CCL28: variants seen among roughly 807,000 people sequenced by gnomAD.
CCL28 encodes the protein C-C motif chemokine ligand 28, also known as C-C motif chemokine 28.
In CCL28, 4 loss-of-function variants were observed where a neutral mutation model predicts 7.1. The observed-to-expected ratio is 0.56, with a 90% confidence interval of 0.28 to 1.29. The LOEUF (loss-of-function observed/expected upper bound fraction) is 1.29. Ranked by LOEUF, CCL28 falls within the 50% of genes most tolerant of loss-of-function variation. The pLI is 0.11. For missense variants in CCL28, 151 were observed against 163.4 expected, an observed-to-expected ratio of 0.92 and a Z score of 0.41; for synonymous variants, 55 against 57.8, an observed-to-expected ratio of 0.95 and a Z score of 0.22.
chr5:43,406,516 T>C (rs1312705594), intron 1 of CCL28, among the ~76,000 whole-genome samples: 3 of 152,144 alleles, frequency 2.0e-5, no homozygotes, highest in African/African-American at 7.2e-5. Flanking sequence ...TCAGAGCTAT[T>C]TATGACAAAC....
the CCL28 span, among the ~76,000 whole-genome samples, chr5:43,364,131 A>G: frequency 6.6e-6 from 1 of 152,228 alleles, no homozygotes; most frequent in Non-Finnish European, 1.5e-5. Flanking sequence ...AAGCAAGTTT[A>G]CTAGCAAAGT....
chr5:43,377,105 T>A (rs1739907593), downstream of CCL28: 2 of 152,218 alleles, frequency 1.3e-5, no homozygotes, highest in Admixed American at 1.3e-4. Context: ...CACCCTCTCT[T>A]CTTCTCTGAT....
intron 1 of CCL28, among the ~76,000 whole-genome samples, chr5:43,409,579 C>A (rs1172257970): frequency 6.6e-6 from 1 of 152,034 alleles, no homozygotes; most frequent in Non-Finnish European, 1.5e-5. Context: ...CTTCCCTAGC[C>A]AGAGTCTTAT....
rs565379498 is a variant in CCL28, at chr5:43,389,555, G to T, written c.65-1079C>A. 7.2e-5 allele frequency among the ~76,000 whole-genome samples: 11 copies of T among 152,314 alleles called. No individual in the cohort carries two copies. The Middle Eastern group carries it at 0.024, about 330-fold the overall frequency. On this transcript the variant is annotated intron_variant, in intron 1 of 2. Transcript: ENST00000361115. ...TCTAATAGGAAACATACTTTCAGAA[G>T]CATGGTAGCAATTAAGAATCACAAG...
downstream of CCL28, among the ~76,000 whole-genome samples, chr5:43,378,026 C>A (rs1212110066): frequency 1.3e-5 from 2 of 151,922 alleles, no homozygotes; most frequent in Non-Finnish European, 2.9e-5. Flanking sequence ...GCCACCGCGC[C>A]CGGCCAGAAC....
chr5:43,407,452 G>A (rs960531355), intron 1 of CCL28, among the ~76,000 whole-genome samples: 1 of 152,194 alleles, frequency 6.6e-6, no homozygotes, highest in Non-Finnish European at 1.5e-5. Context: ...GTAGAAAGCT[G>A]AAACTGGATC....
Position 43,402,448 on chromosome 5 carries a change from G to C in CCL28, c.64+9805C>G, listed in dbSNP as rs880562. Among the ~76,000 whole-genome samples the C allele has an allele frequency of 9.8e-4, 149 of 152,232 alleles. 1 individual carries two copies. Among genetic ancestry groups the C allele is most frequent in the Admixed American group, 3.9e-3 (60 of 15,302 alleles). Reference sequence around the variant, plus strand: ...TGCAGATTTTCAGAATTAACTTTTTGTGTTGAATAGATATACTGTTATCTA... The same window carrying C: ...TGCAGATTTTCAGAATTAACTTTTTCTGTTGAATAGATATACTGTTATCTA... On this transcript the variant is annotated intron_variant, in intron 1 of 2. Coordinates refer to ENST00000361115, the MANE Select transcript of CCL28 (RefSeq NM_148672.3).
intron 2 of CCL28, among the ~76,000 whole-genome samples, chr5:43,386,774 C>T (rs1213126657): frequency 6.6e-6 from 1 of 152,116 alleles, no homozygotes; most frequent in Non-Finnish European, 1.5e-5. Context: ...AGTTTTTCCT[C>T]AAAATTGAAT....
intron 2 of CCL28, among the ~76,000 whole-genome samples, chr5:43,382,496 C>G (rs1740160551): frequency 6.6e-6 from 1 of 152,198 alleles, no homozygotes; most frequent in Admixed American, 6.5e-5. Context: ...TTTGTAGATT[C>G]TCTCAGCTAG....
At chr5:43,388,273 C>A in intron 2 of CCL28, 77 bp downstream of exon 2, 1 of 1,552,664 alleles carries the variant, frequency 6.4e-7, no homozygotes, top group South Asian at 1.2e-5. Flanking sequence ...TCAAGCAAAG[C>A]CTTTCCAACC....
the CCL28 span, among the ~76,000 whole-genome samples, chr5:43,361,901 C>T: frequency 2.0e-5 from 3 of 151,422 alleles, no homozygotes; most frequent in East Asian, 1.9e-4. Flanking sequence ...TTATTGTAGC[C>T]GTGTAGTATA....
At chr5:43,389,619 T>C (rs1297363855) in intron 1 of CCL28, among the ~76,000 whole-genome samples, 1 of 152,236 alleles carries the variant, frequency 6.6e-6, no homozygotes, top group African/African-American at 2.4e-5. Context: ...ATCTGAGTGC[T>C]GATATCAATT....
At chr5:43,382,136 T>G in intron 2 of CCL28, 84 bp from the exon 3 acceptor site, 1 of 1,211,752 alleles carries the variant, frequency 8.3e-7, no homozygotes, top group Non-Finnish European at 1.2e-6. Flanking sequence ...AGCTCCCACT[T>G]TGGGACACTG....
At chr5:43,362,848 A>G in the CCL28 span, among the ~76,000 whole-genome samples, 1 of 152,198 alleles carries the variant, frequency 6.6e-6, no homozygotes, top group African/African-American at 2.4e-5. Context: ...TGATATATAT[A>G]CATACCAAGT....
At position 43,381,667 on chromosome 5, in the gene CCL28, T is replaced by C. The variant is rs1740120895; in HGVS notation, c.*193A>G. The C allele has an allele frequency of 3.7e-6, 2 of 547,842 alleles. No individual in the cohort carries two copies. Among genetic ancestry groups the C allele is most frequent in the Non-Finnish European group, 3.2e-6 (1 of 310,212 alleles). 33.9% of individuals were successfully genotyped at this position (547,842 alleles called of 1,614,324 possible). A position where few individuals can be genotyped will look rare whatever the true frequency, so the allele number is the denominator to read the frequency against. On this transcript the variant is annotated 3_prime_UTR_variant, in exon 3 of 3. Coordinates refer to ENST00000361115, the MANE Select transcript of CCL28 (RefSeq NM_148672.3). ...GAACCACCATACCCAGCCAGTATTA[T>C]CTTTTCATTTCATTTTCCAGTTGAG...
At chr5:43,400,402 T>A (rs930195592) in intron 1 of CCL28, among the ~76,000 whole-genome samples, 4 of 152,108 alleles carry the variant, frequency 2.6e-5, no homozygotes, top group African/African-American at 4.8e-5. Context: ...CTCAGGCAGG[T>A]CTCGAACTCC....
chr5:43,400,526 G>A (rs1030118457), intron 1 of CCL28, among the ~76,000 whole-genome samples: 3 of 147,440 alleles, frequency 2.0e-5, no homozygotes, highest in Non-Finnish European at 4.4e-5. Context: ...TTGTAGAGAC[G>A]TGAACAGCTT....
chr5:43,397,355 G>A (rs1740855023), intron 1 of CCL28: 1 of 151,698 alleles, frequency 6.6e-6, no homozygotes, highest in South Asian at 2.1e-4. Context: ...TGATCGGCCA[G>A]CTTTTGATGC....
chr5:43,388,044 G>A (rs1740412778), intron 2 of CCL28: 1 of 252,036 alleles, frequency 4.0e-6, no homozygotes, highest in Non-Finnish European at 7.5e-6. Context: ...TTTGTTTGGG[G>A]TTTTGTTTTG....
Sources: gnomAD v4.1 joint callset for allele counts (sites outside exome capture counted in the v4.1 genomes callset) on GRCh38, gnomAD v4.1.1 for gene constraint, MANE v1.5 for transcripts, NCBI Gene and HGNC (gene_info 2026-07-23, HGNC 2026-07-21) for gene names.